ENOX1: variants seen among roughly 807,000 people sequenced by gnomAD.
ENOX1 encodes candidate growth-related and time keeping constitutive hydroquinone (NADH) oxidase.
ENOX1 carries 42 observed loss-of-function variants against 82.5 expected under a neutral mutation model. The observed-to-expected ratio is 0.51, with a 90% CI of 0.40 to 0.66. The LOEUF is 0.66. Ranked by LOEUF, ENOX1 falls within the 30% of genes least tolerant of loss-of-function variation. ENOX1 has a pLI of 0.00. For missense variants in ENOX1, 608 were observed against 811.6 expected (o/e 0.75, Z 3.05); for synonymous variants, 271 against 282.2 (o/e 0.96, Z 0.40).
intron 2 of ENOX1, among the ~76,000 whole-genome samples, chr13:43,551,437 T>C (rs1197712877): frequency 2.6e-5 from 4 of 152,014 alleles, no homozygotes; most frequent in Non-Finnish European, 4.4e-5. Flanking sequence ...GAAGAAAAAA[T>C]AATAATAAAG....
chr13:43,366,916 A>G (rs1428634518), intron 5 of ENOX1, among the ~76,000 whole-genome samples: 1 of 152,260 alleles, frequency 6.6e-6, no homozygotes, highest in Non-Finnish European at 1.5e-5. Context: ...AATAAATGGT[A>G]GCAATTACAT....
chr13:43,521,130 A>T (rs1379126580), intron 2 of ENOX1, among the ~76,000 whole-genome samples: 3 of 152,194 alleles, frequency 2.0e-5, no homozygotes, highest in Non-Finnish European at 4.4e-5. Context: ...GTGAAAAAGT[A>T]AACTTAACTT....
At chr13:43,431,313 A>T (rs772106993) in intron 3 of ENOX1, among the ~76,000 whole-genome samples, 16 of 152,100 alleles carry the variant, frequency 1.1e-4, no homozygotes, top group Non-Finnish European at 2.4e-4. Flanking sequence ...TGAGCCTAGC[A>T]AGTGTGATCT....
chr13:43,380,728 A>T (rs946459834), intron 5 of ENOX1, among the ~76,000 whole-genome samples: 2 of 151,758 alleles, frequency 1.3e-5, no homozygotes, highest in African/African-American at 2.4e-5. Flanking sequence ...CACCATGCTA[A>T]CATTAATGAA....
intron 3 of ENOX1, among the ~76,000 whole-genome samples, chr13:43,463,194 C>G (rs2057567361): frequency 6.6e-6 from 1 of 151,878 alleles, no homozygotes; most frequent in South Asian, 2.1e-4. Flanking sequence ...TATACACACA[C>G]ACACTCATGT....
intron 11 of ENOX1, among the ~76,000 whole-genome samples, chr13:43,303,631 G>T (rs774967434): frequency 9.2e-5 from 14 of 152,134 alleles, no homozygotes; most frequent in Non-Finnish European, 1.6e-4. Context: ...GGTGCCCACA[G>T]GCCCAGAATA....
At chr13:43,266,381 G>A (rs1330820943) in intron 13 of ENOX1, among the ~76,000 whole-genome samples, 4 of 152,088 alleles carry the variant, frequency 2.6e-5, no homozygotes, top group South Asian at 2.1e-4. Context: ...GGCTACTTGT[G>A]CATATTAAAA....
chr13:43,274,365 G>A (rs1488223290), intron 12 of ENOX1, among the ~76,000 whole-genome samples: 1 of 152,118 alleles, frequency 6.6e-6, no homozygotes, highest in Non-Finnish European at 1.5e-5. Flanking sequence ...TTGTTTTCAA[G>A]GTATAAACTC....
At chr13:43,564,788 C>A (rs143898521) in intron 2 of ENOX1, among the ~76,000 whole-genome samples, 1 of 152,140 alleles carries the variant, frequency 6.6e-6, no homozygotes, top group Non-Finnish European at 1.5e-5. Flanking sequence ...ACACCTTTCC[C>A]ACAGAAATAC....
intron 10 of ENOX1, among the ~76,000 whole-genome samples, chr13:43,323,393 T>C (rs2047925469): frequency 6.6e-6 from 1 of 152,212 alleles, no homozygotes; most frequent in South Asian, 2.1e-4. Context: ...AGACTTTGTC[T>C]AGTCACTCAC....
intron 5 of ENOX1, among the ~76,000 whole-genome samples, chr13:43,410,426 T>G (rs2054052145): frequency 6.6e-6 from 1 of 152,160 alleles, no homozygotes; most frequent in Admixed American, 6.5e-5. Context: ...AGACTAATCT[T>G]CAATTGTATG....
chr13:43,374,301 A>G (rs1411460357), intron 5 of ENOX1, among the ~76,000 whole-genome samples: 1 of 147,508 alleles, frequency 6.8e-6, no homozygotes, highest in Non-Finnish European at 1.5e-5. Context: ...GCTGGAGTGC[A>G]GCAGCTCCAT....
chr13:43,322,527 CAG>C (rs755684514), intron 10 of ENOX1, 26 bp from the exon 11 acceptor site: 2 of 1,589,036 alleles, frequency 1.3e-6, no homozygotes, highest in Non-Finnish European at 1.7e-6. Context: ...ACACAAATGT[CAG>C]AGTCACAGAC....
At chr13:43,421,139 C>T (rs1270519789) in intron 3 of ENOX1, among the ~76,000 whole-genome samples, 1 of 152,076 alleles carries the variant, frequency 6.6e-6, no homozygotes, top group African/African-American at 2.4e-5. Context: ...GGACAAAGAT[C>T]AATTCAGATA....
At chr13:43,255,845 G>A (rs1057383981) in intron 14 of ENOX1, among the ~76,000 whole-genome samples, 33 of 152,076 alleles carry the variant, frequency 2.2e-4, no homozygotes, top group African/African-American at 7.2e-4. Context: ...AATACTACCC[G>A]AAGCAATTTA....
At chr13:43,651,636 G>A (rs1008815070) in intron 2 of ENOX1, among the ~76,000 whole-genome samples, 1 of 145,676 alleles carries the variant, frequency 6.9e-6, no homozygotes, top group Non-Finnish European at 1.5e-5. Context: ...TGCGGAGGTT[G>A]CAGTGAGCTG....
Position 43,499,318 on chromosome 13 carries a change from T to C in ENOX1, c.-218-15166A>G, listed in dbSNP as rs112077966. On this transcript the variant is annotated intron_variant, in intron 2 of 16. Transcript: ENST00000690772. ...AAAGTATAGACTATAGTTAATTGTATTGTGTAAATGTTAATTTCTTAGTTT... is the reference window on the plus strand; with the variant it reads ...AAAGTATAGACTATAGTTAATTGTACTGTGTAAATGTTAATTTCTTAGTTT... Among the ~76,000 whole-genome samples the C allele has an allele frequency of 7.8e-4, 118 of 152,226 alleles. 2 individuals carry two copies. Among genetic ancestry groups the C allele is most frequent in the African/African-American group, 2.5e-3 (104 of 41,546 alleles).
chr13:43,361,553 T>C, intron 5 of ENOX1, 101 bp from the exon 6 acceptor site: 1 of 1,087,298 alleles, frequency 9.2e-7, no homozygotes, highest in Non-Finnish European at 1.3e-6. Context: ...TACTTTCTAT[T>C]TTTCAGGAAT....
intron 3 of ENOX1, among the ~76,000 whole-genome samples, chr13:43,470,320 A>ATG (rs796138462): frequency 9.2e-5 from 4 of 43,524 alleles, no homozygotes; most frequent in Admixed American, 2.3e-4. Context: ...ATATATACAC[A>ATG]TATATATATG....
Sources: gnomAD v4.1 joint callset for allele counts (sites outside exome capture counted in the v4.1 genomes callset) on GRCh38, gnomAD v4.1.1 for gene constraint, MANE v1.5 for transcripts, NCBI Gene and HGNC (gene_info 2026-07-23, HGNC 2026-07-21) for gene names.